The following STK11IP variants were observed in gnomAD, a reference collection of about 807,000 sequenced individuals.
STK11IP encodes the protein serine/threonine kinase 11 interacting protein.
In STK11IP, 103 loss-of-function variants were observed where a neutral mutation model predicts 131.7. That is an observed-to-expected ratio of 0.78 (90% CI 0.67 to 0.92). The LOEUF is 0.92. Ranked by LOEUF, STK11IP falls within the 40% of genes least tolerant of loss-of-function variation. STK11IP has a pLI of 0.00. For missense variants in STK11IP, 1,315 were observed against 1,385.7 expected, an observed-to-expected ratio of 0.95 and a Z score of 0.81; for synonymous variants, 557 against 575.6, an observed-to-expected ratio of 0.97 and a Z score of 0.46.
Position 219,609,344 on chromosome 2 carries a change from C to T in STK11IP, c.1927-19C>T. On this transcript the variant is annotated intron_variant, in intron 16 of 24. Coordinates refer to ENST00000456909, the MANE Select transcript of STK11IP (RefSeq NM_052902.4). ...GGGGTCCGCCTGCTCACAGCTGCCT[C>T]TGATCCACCCTCTGTCAGGAGCTGC... 1 of 1,612,334 alleles carries T rather than the reference C, an allele frequency of 6.2e-7. No homozygotes were observed. Among genetic ancestry groups the T allele is most frequent in the Non-Finnish European group, 8.5e-7 (1 of 1,178,934 alleles).
chr2:219,604,399 A>G (rs1698085937), intron 7 of STK11IP, among the ~76,000 whole-genome samples: 1 of 152,152 alleles, frequency 6.6e-6, no homozygotes, highest in Non-Finnish European at 1.5e-5. Flanking sequence ...ACCTCCTCTA[A>G]TTCAGGGAAA....
intron 12 of STK11IP, 50 bp from the exon 13 acceptor site, chr2:219,607,003 A>G (rs764624779): frequency 6.2e-7 from 1 of 1,611,514 alleles, no homozygotes; most frequent in Non-Finnish European, 8.5e-7. Flanking sequence ...CGTGGATGGC[A>G]GGGCTGGAGG....
In STK11IP at chr2:219,616,032, T is replaced by C. The variant is rs1466695145; in HGVS notation, c.3118-12T>C. On this transcript the variant is annotated splice_polypyrimidine_tract_variant and intron_variant, in intron 24 of 24. Transcript: ENST00000456909. ...CCATGAGCCTCGCCTTGCTAACTGC[T>C]CGGTCTGCCAGGTGTCCCGGCTGGA... The C allele has an allele frequency of 6.2e-7, 1 of 1,612,792 alleles. No homozygotes were observed. Among genetic ancestry groups the C allele is most frequent in the East Asian group, 2.2e-5 (1 of 44,868 alleles).
At chr2:219,615,755 G>C (rs1349117416) in intron 24 of STK11IP, 1 of 666,752 alleles carries the variant, frequency 1.5e-6, no homozygotes, top group East Asian at 3.1e-5. Context: ...CCAGTCCAAA[G>C]TGGTGGAGCC....
intron 7 of STK11IP, among the ~76,000 whole-genome samples, chr2:219,603,384 C>T (rs1698052325): frequency 6.6e-6 from 1 of 151,954 alleles, no homozygotes; most frequent in Non-Finnish European, 1.5e-5. Flanking sequence ...TGAAGAAGTA[C>T]CCAATGTTGC....
chr2:219,613,152 A>AC lies in STK11IP; in HGVS notation c.2465dup (p.Gly823TrpfsTer11), dbSNP rs1204204414. The AC allele has an allele frequency of 3.7e-6, 6 of 1,609,252 alleles. No homozygotes were observed. Among genetic ancestry groups the AC allele is most frequent in the Non-Finnish European group, 5.1e-6 (6 of 1,177,632 alleles). ...GGTGCCAGTGGCATTGGCAGGCCACACTGGGGAGTTCATGTGCCTTGTGGT... is the reference window on the plus strand; with the variant it reads ...GGTGCCAGTGGCATTGGCAGGCCACACCTGGGGAGTTCATGTGCCTTGTGGT... On this transcript the variant is annotated frameshift_variant, in exon 20 of 25. Coordinates refer to ENST00000456909, the MANE Select transcript of STK11IP (RefSeq NM_052902.4). LOFTEE classifies it high-confidence loss of function.
chr2:219,613,081 T>C, intron 19 of STK11IP, 47 bp from the exon 20 acceptor site: 1 of 1,533,502 alleles, frequency 6.5e-7, no homozygotes, highest in Non-Finnish European at 9.0e-7. Context: ...TGGCCCCACC[T>C]CCCCAGGCCT....
Position 219,616,133 on chromosome 2 carries a change from G to A in STK11IP, c.3207G>A (p.Glu1069=). Residue 1069 remains glutamate (E), a synonymous_variant, in exon 25 of 25, where the codon GAG becomes GAA. Transcript: ENST00000456909. ...TTGCCTGGATCCGGGAACCATGGGA[G>A]GAGCTGTTTTCCATCGGACTCCGGA... ...ALLAWIREPW[E]ELFSIGLRTV... The A allele has an allele frequency of 6.2e-7, 1 of 1,613,864 alleles. No individual in the cohort carries two copies. Among genetic ancestry groups the A allele is most frequent in the East Asian group, 2.2e-5 (1 of 44,876 alleles).
chr2:219,601,735 T>C lies in STK11IP; in HGVS notation c.342+20T>C. 1 of 1,586,770 alleles carries C rather than the reference T, an allele frequency of 6.3e-7. No homozygotes were observed. Among genetic ancestry groups the C allele is most frequent in the Non-Finnish European group, 8.6e-7 (1 of 1,165,170 alleles). ...CTGGAGGTATGGGGACACGGGGGGA[T>C]GTTGGTGCACAGCACCCAACTTGAG... On this transcript the variant is annotated intron_variant, in intron 4 of 24. Coordinates refer to ENST00000456909, the MANE Select transcript of STK11IP (RefSeq NM_052902.4).
intron 2 of STK11IP, among the ~76,000 whole-genome samples, chr2:219,598,802 G>A (rs774345428): frequency 2.6e-5 from 4 of 152,210 alleles, no homozygotes; most frequent in Non-Finnish European, 5.9e-5. Flanking sequence ...TTGAATACTT[G>A]GTTGGCATTA....
In STK11IP at chr2:219,608,353, A is replaced by AGG; in HGVS notation, c.1530_1531dup (p.Glu511GlyfsTer81). 1 of 1,586,074 alleles carries AGG rather than the reference A, an allele frequency of 6.3e-7. No homozygotes were observed. The highest frequency in any genetic ancestry group is 2.3e-5 in the East Asian group (1 of 43,512). On this transcript the variant is annotated frameshift_variant, in exon 14 of 25. Coordinates refer to ENST00000456909, the MANE Select transcript of STK11IP (RefSeq NM_052902.4). LOFTEE classifies it high-confidence loss of function. ...AAGGAGGGGAAGGAGGAGAAGGAGG[A>AGG]GGGGGAGATGGTGGAACAGGGAGAA...
At position 219,609,147 on chromosome 2, in the gene STK11IP, C is replaced by T. The variant is rs765908426; in HGVS notation, c.1860C>T (p.Tyr620=). The change falls in exon 16 of 25, where the codon TAC becomes TAT. Residue 620 remains tyrosine, a synonymous_variant. Coordinates refer to ENST00000456909, the MANE Select transcript of STK11IP (RefSeq NM_052902.4). ...GAPILSLRFS[Y]ICPDRQLRRY... ...CCATCCTCAGTCTGCGCTTCTCCTA[C>T]ATCTGCCCTGACCGGCAGTTGCGTC... is the stretch of plus-strand genomic sequence containing the variant. 3.5e-5 allele frequency: 57 copies of T among 1,610,546 alleles called. No individual in the cohort carries two copies. The highest frequency in any genetic ancestry group is 5.0e-5 in the Admixed American group (3 of 59,660).
rs1204261515 is a variant in STK11IP, at chr2:219,614,159, A to G, written c.2717-2A>G. 1.9e-6 allele frequency: 3 copies of G among 1,613,480 alleles called. No individual in the cohort carries two copies. In the East Asian group the frequency reaches 6.7e-5, roughly 36 times the overall value. ...AAAGTTCCCTGGCCTGCCTCTGTCT[A>G]GATGTCTTGCAGTCTCTGCCCCCTG... On this transcript the variant is annotated splice_acceptor_variant, in intron 21 of 24. Coordinates refer to ENST00000456909, the MANE Select transcript of STK11IP (RefSeq NM_052902.4). LOFTEE classifies it high-confidence loss of function.
intron 8 of STK11IP, 34 bp from the exon 9 acceptor site, chr2:219,605,922 A>G: frequency 1.3e-6 from 2 of 1,556,534 alleles, no homozygotes; most frequent in Non-Finnish European, 1.7e-6. Context: ...GTACTCATCC[A>G]CATGCTCTTC....
Position 219,597,877 on chromosome 2 carries a change from A to G in STK11IP, c.-73A>G, listed in dbSNP as rs375349181. ...GCGGGACTTCCTTTCCATCATTGAT[A>G]GGCGCCGGGCAGCTGAGCTGGTAGG... On this transcript the variant is annotated 5_prime_UTR_variant, in exon 1 of 25. In the 5' UTR this introduces an upstream ATG that the reference lacks. Transcript: ENST00000456909. 108 of 1,603,048 alleles carry G rather than the reference A, an allele frequency of 6.7e-5. No homozygotes were observed. The highest frequency in any genetic ancestry group is 8.7e-5 in the Non-Finnish European group (102 of 1,174,584).
chr2:219,611,453 G>A, intron 17 of STK11IP, 151 bp from the exon 18 acceptor site: 1 of 660,758 alleles, frequency 1.5e-6, no homozygotes, highest in South Asian at 1.7e-5. Flanking sequence ...CCGGGAGAGG[G>A]AGCTGGTGGC....
At chr2:219,602,830 T>A (rs771574035) in intron 7 of STK11IP, 54 bp downstream of exon 7, 186 of 1,521,034 alleles carry the variant, frequency 1.2e-4, no homozygotes, top group Non-Finnish European at 1.6e-4. Context: ...ATTGCTCTGC[T>A]CTCACTCTCT....
rs371492791 is a variant in STK11IP, at chr2:219,608,141, G to C, written c.1314G>C (p.Glu438Asp). The change falls in exon 14 of 25, where the codon GAG becomes GAC. Residue 438 changes from glutamate to aspartate, a missense_variant. Physicochemically the swap from Glu to Asp is conservative, Grantham distance 45 (BLOSUM62 2). Coordinates refer to ENST00000456909, the MANE Select transcript of STK11IP (RefSeq NM_052902.4). ...GGCTGCAGTACAGGAGTCACCTGGA[G>C]CCCTCCGGAAACCCTCTGCCGGCCA... ...RNWLQYRSHL[E>D]PSGNPLPATP... 12 of 1,613,358 alleles carry C rather than the reference G, an allele frequency of 7.4e-6. No homozygotes were observed. In the South Asian group the frequency reaches 1.3e-4, roughly 18 times the overall value.
At chr2:219,598,571 C>A (rs1405794961) in intron 2 of STK11IP, 1 of 175,012 alleles carries the variant, frequency 5.7e-6, no homozygotes, top group Non-Finnish European at 1.2e-5. Flanking sequence ...GTTGGAATAT[C>A]AACCCTCTTT....
Sources: allele counts gnomAD v4.1 joint callset (sites outside exome capture counted in the v4.1 genomes callset), GRCh38; gene constraint gnomAD v4.1.1; transcripts MANE v1.5; gene names NCBI Gene and HGNC (gene_info 2026-07-23, HGNC 2026-07-21).